Variants in EIF4G2 observed in about 807,000 individuals in gnomAD.
The protein encoded by EIF4G2 is eukaryotic translation initiation factor 4 gamma 2.
Under a neutral mutation model 117.7 loss-of-function variants are expected in EIF4G2, and 8 were observed. That is an observed-to-expected ratio of 0.07 (90% CI 0.04 to 0.12). EIF4G2 has a LOEUF of 0.12. Ranked by LOEUF, EIF4G2 falls within the 10% of genes least tolerant of loss-of-function variation. EIF4G2 has a pLI of 1.00. For synonymous variants in EIF4G2, 413 were observed against 367.8 expected (o/e 1.12, Z -1.41); for missense variants, 812 against 1,086.2 (o/e 0.75, Z 3.55).
chr11:10,806,698 A>C, intron 3 of EIF4G2, 122 bp downstream of exon 3: 1 of 1,095,450 alleles, frequency 9.1e-7, no homozygotes, highest in South Asian at 1.4e-5. Context: ...AGGATACCCA[A>C]CAGAAACCAC....
chr11:10,804,096 G>A, intron 7 of EIF4G2, 41 bp downstream of exon 7: 1 of 1,612,568 alleles, frequency 6.2e-7, no homozygotes, highest in Non-Finnish European at 8.5e-7. Context: ...GAATTAAGCT[G>A]AAAATATACA....
chr11:10,807,825 CCGTGGAGAGCT>C, intron 1 of EIF4G2: 1 of 991,436 alleles, frequency 1.0e-6, no homozygotes, highest in Non-Finnish European at 1.2e-6. Flanking sequence ...CGCCTCCTCC[CCGTGGAGAGCT>C]CGTGGAAAGA....
At chr11:10,805,598 G>C (rs1036878953) in intron 4 of EIF4G2, among the ~76,000 whole-genome samples, 12 of 152,058 alleles carry the variant, frequency 7.9e-5, no homozygotes, top group African/African-American at 2.9e-4. Context: ...GACTACAGGC[G>C]CCTGCCACTA....
At chr11:10,807,525 G>A in intron 1 of EIF4G2, 144 bp from the exon 2 acceptor site, 4 of 1,303,164 alleles carry the variant, frequency 3.1e-6, no homozygotes, top group Non-Finnish European at 3.9e-6. Context: ...TCAAAACACT[G>A]ACAATTACAT....
Position 10,800,540 on chromosome 11 carries a change from T to A in EIF4G2, c.1752A>T (p.Lys584Asn). Residue 584 changes from lysine to asparagine, a missense_variant, in exon 17 of 22, where the codon AAA becomes AAT. Transcript: ENST00000339995. ...TTCTATCTAGTGACAGGATGATTAC[T>A]TTGCTTAACATCTCAGGAAGAAAGT... 2 of 1,614,222 alleles carry A rather than the reference T, an allele frequency of 1.2e-6. No homozygotes were observed. Among genetic ancestry groups the A allele is most frequent in the Non-Finnish European group, 1.7e-6 (2 of 1,180,042 alleles).
In EIF4G2 at chr11:10,803,069, T is replaced by C. The variant is rs201879912; in HGVS notation, c.957A>G (p.Gly319=). The C allele has an allele frequency of 8.3e-5, 134 of 1,611,260 alleles. No individual in the cohort carries two copies. Among genetic ancestry groups the C allele is most frequent in the Admixed American group, 1.8e-4 (11 of 59,948 alleles). The stretch of plus-strand genomic sequence containing the variant: ...GACGAATTTGATTGATCGTCTTTGG[T>C]CCATTGTCAAGAAAAGCCTTGCGAG... The change falls in exon 11 of 22, where the codon GGA becomes GGG. Residue 319 remains glycine, a synonymous_variant. Transcript: ENST00000339995. This position sits in a 1 kb window ranked among gnomAD's most constrained non-coding sequence, Gnocchi z 4.0.
Position 10,797,641 on chromosome 11 carries a change from T to C in EIF4G2, c.*175A>G. 1 of 653,344 alleles carries C rather than the reference T, an allele frequency of 1.5e-6. No individual in the cohort carries two copies. Among genetic ancestry groups the C allele is most frequent in the South Asian group, 1.9e-5 (1 of 53,230 alleles). The allele number at this position is 653,344 out of a possible 1,614,324, so 40.5% of individuals were successfully genotyped here. ...TAAAATATTTGATGGTAGACTATGA[T>C]TAAGACATTACACTACAAAAAAACC... On this transcript the variant is annotated 3_prime_UTR_variant, in exon 22 of 22. Coordinates refer to ENST00000339995, the MANE Select transcript of EIF4G2 (RefSeq NM_001418.4). This position sits in a 1 kb window ranked among gnomAD's most constrained non-coding sequence, Gnocchi z 4.5.
rs748455654 is a variant in EIF4G2, at chr11:10,803,642, C to T, written c.703-52G>A. On this transcript the variant is annotated intron_variant, in intron 8 of 21. Coordinates refer to ENST00000339995, the MANE Select transcript of EIF4G2 (RefSeq NM_001418.4). This position sits in a 1 kb window ranked among gnomAD's most constrained non-coding sequence, Gnocchi z 4.0. ...AAAGTTTTAGTTACTCTGGTTTAGGCGTAGTACTTTCTTTCCCTTTATGTT... is the reference window on the plus strand; with the variant it reads ...AAAGTTTTAGTTACTCTGGTTTAGGTGTAGTACTTTCTTTCCCTTTATGTT... 26 of 1,474,936 alleles carry T rather than the reference C, an allele frequency of 1.8e-5. No individual in the cohort carries two copies. In the East Asian group the frequency reaches 3.4e-4, roughly 19 times the overall value. The allele number at this position is 1,474,936 out of a possible 1,614,324, so 91.4% of individuals were successfully genotyped here.
rs754691633 is a variant in EIF4G2, at chr11:10,803,122, C to T, written c.904G>A (p.Val302Ile). ...ACCCAATGGTGTTCTCGCAACTCTA[C>T]GGTATCCTTTAATTGAAAAATAATT... is the stretch of plus-strand genomic sequence containing the variant. Residue 302 changes from valine to isoleucine, a missense_variant, in exon 11 of 22, where the codon GTA (valine) becomes ATA (isoleucine). Around this residue, in one of 4 missense-constraint regions of EIF4G2, gnomAD observed 154 missense variants for 322.1 expected, o/e 0.48. Coordinates refer to ENST00000339995, the MANE Select transcript of EIF4G2 (RefSeq NM_001418.4). This position sits in a 1 kb window ranked among gnomAD's most constrained non-coding sequence, Gnocchi z 4.0. 6 of 1,608,942 alleles carry T rather than the reference C, an allele frequency of 3.7e-6. No homozygotes were observed. In the East Asian group the frequency reaches 8.9e-5, roughly 24 times the overall value.
Position 10,797,746 on chromosome 11 carries a change from T to C in EIF4G2, c.*70A>G. On this transcript the variant is annotated 3_prime_UTR_variant, in exon 22 of 22. Transcript: ENST00000339995. This position sits in a 1 kb window ranked among gnomAD's most constrained non-coding sequence, Gnocchi z 4.5. Reference sequence around the variant, plus strand: ...ATTACAGCGGAATGAATTTTCGCAGTGGTTAGGTCAAATGCAGTTACATCA... The same window carrying C: ...ATTACAGCGGAATGAATTTTCGCAGCGGTTAGGTCAAATGCAGTTACATCA... The C allele has an allele frequency of 3.4e-6, 5 of 1,458,958 alleles. No individual in the cohort carries two copies. The highest frequency in any genetic ancestry group is 4.8e-6 in the Non-Finnish European group (5 of 1,050,234). The allele number at this position is 1,458,958 out of a possible 1,614,324, so 90.4% of individuals were successfully genotyped here.
chr11:10,799,326 A>T lies in EIF4G2; in HGVS notation c.2423T>A (p.Leu808Gln), dbSNP rs753978341. 1.1e-5 allele frequency: 18 copies of T among 1,613,874 alleles called. No individual in the cohort carries two copies. Among genetic ancestry groups the T allele is most frequent in the Admixed American group, 1.7e-5 (1 of 59,994 alleles). Residue 808 changes from leucine (L) to glutamine (Q), a missense_variant, in exon 20 of 22, where the codon CTA becomes CAA. Coordinates refer to ENST00000339995, the MANE Select transcript of EIF4G2 (RefSeq NM_001418.4). ...CATTACTGGCTTGAAAGATAGTAGT[A>T]GTTGTTTTTCCTGCTCTAACTGTTC...
chr11:10,800,356 G>A lies in EIF4G2; in HGVS notation c.1861-8C>T. The A allele has an allele frequency of 6.2e-7, 1 of 1,613,246 alleles. No homozygotes were observed. The highest frequency in any genetic ancestry group is 1.3e-5 in the African/African-American group (1 of 75,032). On this transcript the variant is annotated splice_polypyrimidine_tract_variant and splice_region_variant and intron_variant, in intron 17 of 21. Transcript: ENST00000339995. The stretch of plus-strand genomic sequence containing the variant: ...CAATACATTCAGGAAAGCCTTGAAA[G>A]AAATATACAACAGTTTATCAGTTTT...
At position 10,804,039 on chromosome 11, in the gene EIF4G2, G is replaced by T; in HGVS notation, c.562C>A (p.Arg188Ser). 1 of 1,613,838 alleles carries T rather than the reference G, an allele frequency of 6.2e-7. No homozygotes were observed. The highest frequency in any genetic ancestry group is 1.7e-5 in the Admixed American group (1 of 59,978). The stretch of plus-strand genomic sequence containing the variant: ...TCCTCGGGGAGGAGGGGATTTTCAC[G>T]CTTATCATAGACTGAAAAAGATACC... The change falls in exon 8 of 22, where the codon CGT becomes AGT. Residue 188 changes from arginine to serine, a missense_variant. Arg to Ser is a moderately radical substitution (Grantham distance 110). This residue lies in a region of EIF4G2 where 154 missense variants were observed against 322.1 expected (regional missense o/e 0.48). Coordinates refer to ENST00000339995, the MANE Select transcript of EIF4G2 (RefSeq NM_001418.4).
At chr11:10,805,854 A>G (rs1847551568) in intron 4 of EIF4G2, 53 bp downstream of exon 4, 2 of 1,596,602 alleles carry the variant, frequency 1.3e-6, no homozygotes, top group Admixed American at 3.3e-5. Flanking sequence ...CACACACCAA[A>G]CACAGCTAAT....
Position 10,800,082 on chromosome 11 carries a change from T to C in EIF4G2, c.2119+8A>G. 6.2e-7 allele frequency: 1 copy of C among 1,610,374 alleles called. No individual in the cohort carries two copies. Among genetic ancestry groups the C allele is most frequent in the Non-Finnish European group, 8.5e-7 (1 of 1,178,348 alleles). ...AAAAACAAAACAAACAAGTCAGCAT[T>C]CTCTTACCTGGGAGCATTTTCTGCA... On this transcript the variant is annotated splice_region_variant and intron_variant, in intron 18 of 21. Transcript: ENST00000339995.
rs763083606 is a variant in EIF4G2 at position 10,801,730 on chromosome 11, G to C, written c.1344C>G (p.Ser448=). ...TATCCTTCGACTGTCCTTGCAGCTG[G>C]GATAAGAGTCCCTGACTCTGGTTAT... is the stretch of plus-strand genomic sequence containing the variant. Residue 448 remains serine (S), a synonymous_variant, in exon 14 of 22, where the codon TCC becomes TCG. Transcript: ENST00000339995. 5 of 1,613,956 alleles carry C rather than the reference G, an allele frequency of 3.1e-6. No homozygotes were observed. The highest frequency in any genetic ancestry group is 3.4e-6 in the Non-Finnish European group (4 of 1,180,024).
intron 1 of EIF4G2, chr11:10,807,945 T>A (rs1041980482): frequency 2.0e-6 from 2 of 1,014,182 alleles, no homozygotes; most frequent in East Asian, 2.3e-4. Context: ...TTTCCCTTCC[T>A]GGGAACAAAA....
At chr11:10,807,010 G>C in intron 2 of EIF4G2, 125 bp from the exon 3 acceptor site, 1 of 1,233,862 alleles carries the variant, frequency 8.1e-7, no homozygotes, top group Non-Finnish European at 1.2e-6. Context: ...CCAGACTGGA[G>C]CCAGGCCTGT....
At chr11:10,801,823 A>G in intron 13 of EIF4G2, 49 bp from the exon 14 acceptor site, 1 of 1,551,438 alleles carries the variant, frequency 6.4e-7, no homozygotes, top group Middle Eastern at 1.7e-4. Context: ...GGGTCCACAA[A>G]TTATGGTAAT....
Sources: allele counts gnomAD v4.1 joint callset (sites outside exome capture counted in the v4.1 genomes callset), GRCh38; gene constraint gnomAD v4.1.1; regional missense constraint gnomAD v4.1.1; non-coding constraint Gnocchi (gnomAD v3.1); transcripts MANE v1.5; gene names NCBI Gene and HGNC (gene_info 2026-07-23, HGNC 2026-07-21).